The following ZMYND11 variants were observed in gnomAD, a reference collection of about 807,000 sequenced individuals.
ZMYND11 encodes the protein zinc finger MYND domain-containing protein 11.
Under a neutral mutation model 84.9 loss-of-function variants are expected in ZMYND11, and 9 were observed. The observed-to-expected ratio is 0.11, with a 90% confidence interval of 0.06 to 0.18. The LOEUF is 0.18. Ranked by LOEUF, ZMYND11 falls within the 10% of genes least tolerant of loss-of-function variation. ZMYND11 has a pLI of 1.00. For missense variants in ZMYND11, 409 were observed against 761.0 expected (o/e 0.54, Z 5.44); for synonymous variants, 250 against 244.1 (o/e 1.02, Z -0.23).
chr10:174,466 G>A (rs1442688780), intron 1 of ZMYND11, among the ~76,000 whole-genome samples: 11 of 152,232 alleles, frequency 7.2e-5, no homozygotes, highest in South Asian at 2.1e-4. Flanking sequence ...GGGCACTACC[G>A]TGGCACATGC....
At chr10:232,648 A>C (rs919779202) in intron 4 of ZMYND11, among the ~76,000 whole-genome samples, 1 of 152,176 alleles carries the variant, frequency 6.6e-6, no homozygotes, top group Non-Finnish European at 1.5e-5. Context: ...TAGATCCCTC[A>C]TTTATCACCA....
intron 4 of ZMYND11, among the ~76,000 whole-genome samples, chr10:231,093 C>T (rs572405022): frequency 1.4e-4 from 22 of 152,342 alleles, no homozygotes; most frequent in African/African-American, 4.8e-4. Context: ...TATCGGAACA[C>T]AGCCACACTC....
intron 2 of ZMYND11, among the ~76,000 whole-genome samples, chr10:197,165 C>T (rs1028334886): frequency 9.5e-5 from 14 of 148,138 alleles, no homozygotes; most frequent in African/African-American, 3.3e-4. Context: ...TCAATACATA[C>T]GCGTGGAAAG....
intron 1 of ZMYND11, among the ~76,000 whole-genome samples, chr10:149,115 A>G (rs1431009536): frequency 6.6e-6 from 1 of 152,004 alleles, no homozygotes; most frequent in African/African-American, 2.4e-5. Context: ...ATGGCAAGTA[A>G]TTGACTTTGA....
chr10:246,697 A>C, intron 10 of ZMYND11, 69 bp from the exon 11 acceptor site: 1 of 1,477,146 alleles, frequency 6.8e-7, no homozygotes, highest in Non-Finnish European at 9.3e-7. Context: ...GGGTCCACTG[A>C]AGCCCTCTTT....
intron 3 of ZMYND11, among the ~76,000 whole-genome samples, chr10:219,166 A>G (rs1946697374): frequency 6.6e-6 from 1 of 152,202 alleles, no homozygotes; most frequent in African/African-American, 2.4e-5. Flanking sequence ...TCAAAGATCC[A>G]TTTTTATCTT....
intron 1 of ZMYND11, among the ~76,000 whole-genome samples, chr10:162,516 A>G (rs1190384145): frequency 6.6e-6 from 1 of 152,028 alleles, no homozygotes; most frequent in Non-Finnish European, 1.5e-5. Context: ...ATGCCTGTAT[A>G]TTAAAGCAGT....
chr10:163,562 A>G (rs1195046147), intron 1 of ZMYND11, among the ~76,000 whole-genome samples: 1 of 152,110 alleles, frequency 6.6e-6, no homozygotes, highest in East Asian at 1.9e-4. Flanking sequence ...TACTTATAAT[A>G]TCCTATTTAT....
intron 1 of ZMYND11, among the ~76,000 whole-genome samples, chr10:162,239 A>G (rs1286258926): frequency 6.6e-6 from 1 of 152,218 alleles, no homozygotes; most frequent in Non-Finnish European, 1.5e-5. Context: ...TCACTATCTT[A>G]CATAGGTGTG....
At chr10:140,237 T>C (rs1412706014) in intron 1 of ZMYND11, among the ~76,000 whole-genome samples, 1 of 152,122 alleles carries the variant, frequency 6.6e-6, no homozygotes, top group Non-Finnish European at 1.5e-5. Context: ...ATGAAGATAA[T>C]GTGAGGGAGA....
intron 1 of ZMYND11, among the ~76,000 whole-genome samples, chr10:152,697 C>G (rs1238641030): frequency 4.6e-5 from 7 of 152,178 alleles, no homozygotes; most frequent in Non-Finnish European, 1.0e-4. Flanking sequence ...GAACTCAGCT[C>G]TGCACCAAGC....
intron 3 of ZMYND11, among the ~76,000 whole-genome samples, chr10:210,453 G>C (rs1945001162): frequency 6.6e-6 from 1 of 152,166 alleles, no homozygotes. Context: ...CAGGTAGGAT[G>C]GTATCACAGC....
At chr10:246,066 A>ATTTT (rs1364236457) in intron 10 of ZMYND11, among the ~76,000 whole-genome samples, 2 of 152,140 alleles carry the variant, frequency 1.3e-5, no homozygotes, top group Non-Finnish European at 2.9e-5. Flanking sequence ...TAAGCCGAGA[A>ATTTT]AGAGACCAAT....
rs150280582 is a variant in ZMYND11 at position 185,241 on chromosome 10, C to T, written c.116+5113C>T. Among the ~76,000 whole-genome samples, 6 of 152,080 alleles carry T rather than the reference C, an allele frequency of 3.9e-5. No individual in the cohort carries two copies. The East Asian group carries it at 1.2e-3, about 29-fold the overall frequency. ...CTCTGTTCCATTAGTATCTGTTGTG[C>T]CTCTCTGTCTTCTGTAAGGGTCTCG... is the stretch of plus-strand genomic sequence containing the variant. On this transcript the variant is annotated intron_variant, in intron 2 of 14. Transcript: ENST00000381604.
chr10:209,870 G>A lies in ZMYND11; in HGVS notation c.117-19G>A, dbSNP rs200268452. 4.9e-4 allele frequency: 766 copies of A among 1,574,400 alleles called. 1 individual carries two copies. Among genetic ancestry groups the A allele is most frequent in the Middle Eastern group, 4.4e-3 (26 of 5,884 alleles). ...TCAGTACTGAAAGATTTTTAAATTT[G>A]TTTTTCCTCTGTGTTCAGGTATATG... On this transcript the variant is annotated intron_variant, in intron 2 of 14. Coordinates refer to ENST00000381604, the MANE Select transcript of ZMYND11 (RefSeq NM_001370100.5).
At chr10:180,867 C>T (rs1314009062) in intron 2 of ZMYND11, among the ~76,000 whole-genome samples, 2 of 151,990 alleles carry the variant, frequency 1.3e-5, no homozygotes, top group Non-Finnish European at 2.9e-5. Context: ...TAACAATTTC[C>T]TTCTGTATTT....
chr10:191,019 T>G (rs1940233711), intron 2 of ZMYND11, among the ~76,000 whole-genome samples: 1 of 152,168 alleles, frequency 6.6e-6, no homozygotes, highest in South Asian at 2.1e-4. Context: ...CTTTGTATCT[T>G]AGTGTGAGGA....
chr10:222,106 A>C (rs1303653555), intron 4 of ZMYND11, among the ~76,000 whole-genome samples: 1 of 152,144 alleles, frequency 6.6e-6, no homozygotes, highest in Admixed American at 6.6e-5. Flanking sequence ...TTAACTATTA[A>C]AATACTTATT....
chr10:170,183 A>G (rs782798725), intron 1 of ZMYND11, among the ~76,000 whole-genome samples: 9 of 152,140 alleles, frequency 5.9e-5, no homozygotes. Flanking sequence ...GCAAAACTAT[A>G]TCTTTCATAA....
Sources: gnomAD v4.1 joint callset for allele counts (sites outside exome capture counted in the v4.1 genomes callset) on GRCh38, gnomAD v4.1.1 for gene constraint, MANE v1.5 for transcripts, NCBI Gene and HGNC (gene_info 2026-07-23, HGNC 2026-07-21) for gene names.